The following COL24A1 variants were observed in gnomAD, a reference collection of about 807,000 sequenced individuals.
COL24A1 encodes collagen alpha-1(XXIV) chain.
In COL24A1, 224 loss-of-function variants were observed where a neutral mutation model predicts 253.9. The observed-to-expected ratio is 0.88, with a 90% CI of 0.79 to 0.99. COL24A1 has a LOEUF of 0.99. Ranked by LOEUF, COL24A1 falls within the 50% of genes least tolerant of loss-of-function variation. COL24A1 has a pLI of 0.00. For synonymous variants in COL24A1, 685 were observed against 673.7 expected, an observed-to-expected ratio of 1.02 and a Z score of -0.26; for missense variants, 2,131 against 2,068.5, an observed-to-expected ratio of 1.03 and a Z score of -0.59.
At chr1:85,737,040 A>G (rs7528385) in intron 58 of COL24A1, among the ~76,000 whole-genome samples, 135,497 of 152,110 alleles carry the variant, frequency 0.89, 61,137 homozygotes, top group Non-Finnish European at 0.97. Context: ...ATTTTCAGCA[A>G]AACTTCAGGT....
chr1:85,792,546 G>GA (rs938451866), intron 47 of COL24A1, among the ~76,000 whole-genome samples: 4 of 148,396 alleles, frequency 2.7e-5, no homozygotes, highest in Non-Finnish European at 4.5e-5. Flanking sequence ...AAAAAGAAAG[G>GA]AAAAAAGTAG....
rs79962958 is a variant in COL24A1 at position 85,974,827 on chromosome 1, G to C, written c.2365-3434C>G. On this transcript the variant is annotated intron_variant, in intron 20 of 59. Transcript: ENST00000370571. ...TGAAATCCAGTTCTGCACTTTACTA[G>C]AGATGTAAACTATTTCTTAATCTAT... Among the ~76,000 whole-genome samples, 22 of 152,118 alleles carry C rather than the reference G, an allele frequency of 1.4e-4. No homozygotes were observed. In the East Asian group the frequency reaches 4.3e-3, roughly 29 times the overall value.
intron 3 of COL24A1, among the ~76,000 whole-genome samples, chr1:86,120,343 A>C (rs1385763725): frequency 1.3e-5 from 2 of 152,226 alleles, no homozygotes; most frequent in Non-Finnish European, 2.9e-5. Flanking sequence ...CTACCATCAG[A>C]GCGAACAGGA....
intron 19 of COL24A1, 140 bp downstream of exon 19, chr1:86,017,011 A>G: frequency 2.6e-6 from 2 of 771,976 alleles, no homozygotes; most frequent in Non-Finnish European, 4.0e-6. Flanking sequence ...AACAGAAAAA[A>G]TGTAGTCCAA....
At chr1:86,079,669 T>A (rs1456082112) in intron 7 of COL24A1, among the ~76,000 whole-genome samples, 1 of 152,062 alleles carries the variant, frequency 6.6e-6, no homozygotes, top group Admixed American at 6.6e-5. Context: ...GACAAGGAAA[T>A]GGTAAACAGG....
At chr1:85,823,355 C>G (rs554842476) in intron 45 of COL24A1, among the ~76,000 whole-genome samples, 181 bp downstream of exon 45, 1 of 152,212 alleles carries the variant, frequency 6.6e-6, no homozygotes, top group Non-Finnish European at 1.5e-5. Flanking sequence ...ACAAATGACT[C>G]AATCAATAAT....
At chr1:85,921,207 T>C (rs550405401) in intron 24 of COL24A1, among the ~76,000 whole-genome samples, 11 of 152,184 alleles carry the variant, frequency 7.2e-5, no homozygotes, top group Non-Finnish European at 1.5e-4. Context: ...AGAATACACC[T>C]GGAAAATCGG....
At chr1:85,816,714 C>A in intron 47 of COL24A1, 74 bp downstream of exon 47, 1 of 1,302,826 alleles carries the variant, frequency 7.7e-7, no homozygotes, top group Non-Finnish European at 1.1e-6. Context: ...AAATAGATAG[C>A]CAAAATATCT....
At chr1:85,743,344 C>A (rs548740347) in intron 57 of COL24A1, among the ~76,000 whole-genome samples, 1 of 152,090 alleles carries the variant, frequency 6.6e-6, no homozygotes, top group Admixed American at 6.5e-5. Context: ...ATTCTTTGTG[C>A]CTGGAAAGCT....
At chr1:85,941,434 C>G (rs1388543054) in intron 24 of COL24A1, among the ~76,000 whole-genome samples, 1 of 152,038 alleles carries the variant, frequency 6.6e-6, no homozygotes, top group Non-Finnish European at 1.5e-5. Flanking sequence ...ATCTTCAATT[C>G]TGAAGCAAGT....
chr1:85,840,384 G>A (rs1462217199), intron 42 of COL24A1, among the ~76,000 whole-genome samples: 4 of 151,992 alleles, frequency 2.6e-5, no homozygotes, highest in Non-Finnish European at 5.9e-5. Context: ...TATATGAGAT[G>A]GCTTGATTTA....
intron 11 of COL24A1, among the ~76,000 whole-genome samples, chr1:86,048,568 G>GC (rs1700081045): frequency 6.6e-6 from 1 of 151,020 alleles, no homozygotes. Context: ...TCGGCTCACT[G>GC]CAAGCTCCAC....
intron 28 of COL24A1, among the ~76,000 whole-genome samples, chr1:85,902,124 A>T (rs1042800131): frequency 6.6e-6 from 1 of 152,204 alleles, no homozygotes. Flanking sequence ...ACATGTTCTC[A>T]CTTGAAGGAA....
At chr1:85,828,325 G>C (rs924541634) in intron 43 of COL24A1, among the ~76,000 whole-genome samples, 1 of 151,558 alleles carries the variant, frequency 6.6e-6, no homozygotes, top group Non-Finnish European at 1.5e-5. Context: ...CATTTGCTGA[G>C]GGGAGCTTTA....
chr1:86,117,528 T>C (rs767141102), intron 3 of COL24A1, among the ~76,000 whole-genome samples: 1 of 152,170 alleles, frequency 6.6e-6, no homozygotes, highest in Non-Finnish European at 1.5e-5. Context: ...TAAGATGCAA[T>C]TAACATTAGA....
At chr1:85,794,940 A>T (rs903678916) in intron 47 of COL24A1, among the ~76,000 whole-genome samples, 1 of 152,140 alleles carries the variant, frequency 6.6e-6, no homozygotes, top group East Asian at 1.9e-4. Flanking sequence ...CTAGCAGGAA[A>T]GTGTTGTCAG....
intron 57 of COL24A1, among the ~76,000 whole-genome samples, chr1:85,743,555 C>T (rs1017169539): frequency 1.3e-5 from 2 of 151,960 alleles, no homozygotes; most frequent in Admixed American, 6.6e-5. Flanking sequence ...ATTTGGGGGG[C>T]GTAAAGATTT....
At chr1:86,133,471 A>T (rs976364518) in intron 2 of COL24A1, among the ~76,000 whole-genome samples, 2 of 152,162 alleles carry the variant, frequency 1.3e-5, no homozygotes, top group African/African-American at 4.8e-5. Context: ...CATTCAGTAG[A>T]TATTGGCTGT....
Position 86,145,393 on chromosome 1 carries a change from T to C in COL24A1, c.121+726A>G, listed in dbSNP as rs897175283. Reference sequence around the variant, plus strand: ...TCTGAGGCCTTGGTAATATTATCTGTAGGTCCAGCACAGTTCTAGGATTTG... The same window carrying C: ...TCTGAGGCCTTGGTAATATTATCTGCAGGTCCAGCACAGTTCTAGGATTTG... On this transcript the variant is annotated intron_variant, in intron 2 of 59. Coordinates refer to ENST00000370571, the MANE Select transcript of COL24A1 (RefSeq NM_152890.7). Among the ~76,000 whole-genome samples the C allele has an allele frequency of 5.3e-5, 8 of 152,180 alleles. No individual in the cohort carries two copies. The East Asian group carries it at 1.5e-3, about 29-fold the overall frequency.
Sources: gnomAD v4.1 joint callset for allele counts (sites outside exome capture counted in the v4.1 genomes callset) on GRCh38, gnomAD v4.1.1 for gene constraint, MANE v1.5 for transcripts, NCBI Gene and HGNC (gene_info 2026-07-23, HGNC 2026-07-21) for gene names.